Variants in LRCH2 observed in about 807,000 individuals in gnomAD.
LRCH2 encodes leucine-rich repeat and calponin homology domain-containing protein 2.
A neutral mutation model predicts 68.9 loss-of-function variants in LRCH2; 38 were observed. The ratio of observed to expected loss-of-function variants is 0.55; its 90% CI spans 0.43 to 0.72. The LOEUF (loss-of-function observed/expected upper bound fraction) is 0.72, where lower values mean the gene tolerates loss of function less well. Among genes scored for constraint, LRCH2 ranks in the 30% least tolerant of loss-of-function variants. The pLI, the probability that LRCH2 is intolerant of heterozygous loss-of-function variation, is 0.00. For synonymous variants in LRCH2, 191 were observed against 208.1 expected, an observed-to-expected ratio of 0.92 and a Z score of 0.71; for missense variants, 528 against 572.9, an observed-to-expected ratio of 0.92 and a Z score of 0.80.
intron 14 of LRCH2, among the ~76,000 whole-genome samples, chrX:115,136,177 T>C (rs147755600): frequency 2.7e-3 from 303 of 111,766 alleles, no homozygotes; most frequent in African/African-American, 8.5e-3. Flanking sequence ...ACATAGTTAA[T>C]AGGTATCCAA....
Position 115,184,461 on chromosome X carries a change from G to C in LRCH2, c.571C>G (p.Leu191Val), listed in dbSNP as rs782028909. 32 of 1,186,778 alleles carry C rather than the reference G, an allele frequency of 2.7e-5. No individual in the cohort carries two copies. The highest frequency in any genetic ancestry group is 3.6e-5 in the Non-Finnish European group (32 of 881,364). The change falls in exon 3 of 21, where the codon CTG (leucine) becomes GTG (valine). Residue 191 changes from leucine to valine, a missense_variant. Coordinates refer to ENST00000317135, the MANE Select transcript of LRCH2 (RefSeq NM_020871.4). ...LKVLVVSNNK[L>V]VSIPEEIGKL... is the part of the protein sequence containing the mutation. The stretch of plus-strand genomic sequence containing the variant: ...CCAATTTCTTCTGGAATGGATACCA[G>C]TTTATTATTACTGACGACCAAAACT...
chrX:115,130,075 G>C (rs1477613625), intron 15 of LRCH2, 80 bp downstream of exon 15: 1 of 490,738 alleles, frequency 2.0e-6, no homozygotes, highest in Non-Finnish European at 3.2e-6. Flanking sequence ...CTGAAAAATG[G>C]ATTACATTTT....
intron 1 of LRCH2, chrX:115,189,312 C>T: frequency 3.0e-6 from 2 of 656,686 alleles, no homozygotes; most frequent in Non-Finnish European, 4.6e-6. Context: ...GTAAGGTACT[C>T]TTTTCCTTCT....
At chrX:115,222,127 C>T (rs1372044395) in intron 1 of LRCH2, among the ~76,000 whole-genome samples, 1 of 110,818 alleles carries the variant, frequency 9.0e-6, no homozygotes. Flanking sequence ...TATTATATAC[C>T]ATGTTAATAC....
chrX:115,214,588 T>C (rs1556570922), intron 1 of LRCH2, among the ~76,000 whole-genome samples: 1 of 111,828 alleles, frequency 8.9e-6, no homozygotes. Context: ...AAACAACTTG[T>C]AGACATTGGA....
chrX:115,180,876 T>G (rs1379122308), intron 3 of LRCH2, among the ~76,000 whole-genome samples: 4 of 111,514 alleles, frequency 3.6e-5, no homozygotes, highest in African/African-American at 1.3e-4. Flanking sequence ...AAAACAAAAT[T>G]TCCTGCTGTC....
At chrX:115,126,989 C>G (rs918988187) in intron 15 of LRCH2, 96 bp from the exon 16 acceptor site, 1 of 507,178 alleles carries the variant, frequency 2.0e-6, no homozygotes, top group Non-Finnish European at 3.0e-6. Context: ...TGACCAACTA[C>G]TAAAGGAAGA....
intron 14 of LRCH2, among the ~76,000 whole-genome samples, chrX:115,143,251 A>T (rs1195286343): frequency 8.9e-6 from 1 of 111,994 alleles, no homozygotes; most frequent in African/African-American, 3.2e-5. Context: ...TCAGATTAAG[A>T]TAAAAAGGGG....
intron 1 of LRCH2, among the ~76,000 whole-genome samples, chrX:115,197,741 G>A (rs186252928): frequency 1.1e-4 from 11 of 103,509 alleles, no homozygotes; most frequent in African/African-American, 3.9e-4. Context: ...AAAAGAAAAA[G>A]TCTCTCTCTC....
At position 115,190,955 on chromosome X, in the gene LRCH2, G is replaced by A; in HGVS notation, c.350-2585C>T. The stretch of plus-strand genomic sequence containing the variant: ...AATTCCAGCTGGAGCGACCGCTACG[G>A]AGTAGGAGGCCACTATGAGGAGAAC... On this transcript the variant is annotated intron_variant, in intron 1 of 20. Transcript: ENST00000317135. The A allele has an allele frequency of 2.6e-6, 3 of 1,165,021 alleles. No individual in the cohort carries two copies. The South Asian group carries it at 5.7e-5, about 22-fold the overall frequency.
At chrX:115,200,332 A>G (rs1210926192) in intron 1 of LRCH2, among the ~76,000 whole-genome samples, 7 of 111,836 alleles carry the variant, frequency 6.3e-5, no homozygotes, top group Non-Finnish European at 1.3e-4. Flanking sequence ...ACAAAGTATT[A>G]AAAAAACAAA....
At chrX:115,150,714 AT>A (rs1455729207) in intron 12 of LRCH2, among the ~76,000 whole-genome samples, 1 of 111,156 alleles carries the variant, frequency 9.0e-6, no homozygotes, top group South Asian at 3.7e-4. Context: ...CAAAAAGAAA[AT>A]AAAAATTGGA....
At position 115,122,567 on chromosome X, in the gene LRCH2, T is replaced by G; in HGVS notation, c.2138A>C (p.Glu713Ala). The change falls in exon 20 of 21, where the codon GAA becomes GCA. Residue 713 changes from glutamate (E) to alanine (A), a missense_variant. Physicochemically the swap from Glu to Ala is moderately radical, Grantham distance 107. Coordinates refer to ENST00000317135, the MANE Select transcript of LRCH2 (RefSeq NM_020871.4). ...CTTTTTACAAGCATCAAGAAAATTTTCTACATTTCTTCGACATTTTGCCAT... is the reference window on the plus strand; with the variant it reads ...CTTTTTACAAGCATCAAGAAAATTTGCTACATTTCTTCGACATTTTGCCAT... ...LSMAKCRRNVENFLDACKKLG... is the reference protein window; with the variant it reads ...LSMAKCRRNVANFLDACKKLG... 2.5e-6 allele frequency: 3 copies of G among 1,210,961 alleles called. No individual in the cohort carries two copies. Among genetic ancestry groups the G allele is most frequent in the Non-Finnish European group, 3.4e-6 (3 of 895,087 alleles).
chrX:115,150,418 A>G (rs1556538016), intron 12 of LRCH2, among the ~76,000 whole-genome samples: 1 of 111,264 alleles, frequency 9.0e-6, no homozygotes, highest in East Asian at 2.8e-4. Context: ...ACTAAAAAAA[A>G]CTAATAATTT....
In LRCH2 at chrX:115,179,408, T is replaced by C. The variant is rs2072674972; in HGVS notation, c.864+19A>G. ...TGAATAAAAATGAGAAGAAACATTA[T>C]AATATTTTTATTACAAACCTGTGCT... On this transcript the variant is annotated intron_variant, in intron 5 of 20. Coordinates refer to ENST00000317135, the MANE Select transcript of LRCH2 (RefSeq NM_020871.4). The C allele has an allele frequency of 9.4e-7, 1 of 1,060,036 alleles. No individual in the cohort carries two copies. Among genetic ancestry groups the C allele is most frequent in the African/African-American group, 1.9e-5 (1 of 52,515 alleles). 87.4% of individuals were successfully genotyped at this position (1,060,036 alleles called of 1,213,427 possible). A position where few individuals can be genotyped will look rare whatever the true frequency, so the allele number is the denominator to read the frequency against.
rs1337148480 is a variant in LRCH2 at position 115,165,495 on chromosome X, T to C, written c.1297-32A>G. The C allele has an allele frequency of 6.5e-6, 7 of 1,073,779 alleles. No individual in the cohort carries two copies. The African/African-American group carries it at 1.3e-4, about 20-fold the overall frequency. 88.5% of individuals were successfully genotyped at this position (1,073,779 alleles called of 1,213,427 possible). A position where few individuals can be genotyped will look rare whatever the true frequency, so the allele number is the denominator to read the frequency against. Reference sequence around the variant, plus strand: ...TAAAAGAAAGTTACATTTTAAATTGTATAGTCCACTTTTATAAGATCAAGA... The same window carrying C: ...TAAAAGAAAGTTACATTTTAAATTGCATAGTCCACTTTTATAAGATCAAGA... On this transcript the variant is annotated intron_variant, in intron 9 of 20. Coordinates refer to ENST00000317135, the MANE Select transcript of LRCH2 (RefSeq NM_020871.4).
chrX:115,135,756 A>C (rs1402638932), intron 14 of LRCH2, among the ~76,000 whole-genome samples: 1 of 111,825 alleles, frequency 8.9e-6, no homozygotes, highest in African/African-American at 3.3e-5. Flanking sequence ...GTGGCAAACT[A>C]GAAATTGCCA....
chrX:115,229,331 T>A (rs2073138787), intron 1 of LRCH2, among the ~76,000 whole-genome samples: 1 of 111,455 alleles, frequency 9.0e-6, no homozygotes, highest in East Asian at 2.8e-4. Flanking sequence ...ACTCACCATT[T>A]AACTTTGGAC....
chrX:115,225,187 T>C lies in LRCH2; in HGVS notation c.349+8506A>G, dbSNP rs908557687. Reference sequence around the variant, plus strand: ...ATTAGAGTAATATTTTTAGGTCTTATGGCTGGCTTTCAGGAAAAGGGGTTC... The same window carrying C: ...ATTAGAGTAATATTTTTAGGTCTTACGGCTGGCTTTCAGGAAAAGGGGTTC... On this transcript the variant is annotated intron_variant, in intron 1 of 20. Coordinates refer to ENST00000317135, the MANE Select transcript of LRCH2 (RefSeq NM_020871.4). Among the ~76,000 whole-genome samples the C allele has an allele frequency of 8.1e-5, 9 of 111,761 alleles. No homozygotes were observed. The Admixed American group carries it at 8.6e-4, about 11-fold the overall frequency.
Sources: allele counts gnomAD v4.1 joint callset (sites outside exome capture counted in the v4.1 genomes callset), GRCh38; gene constraint gnomAD v4.1.1; transcripts MANE v1.5; gene names NCBI Gene and HGNC (gene_info 2026-07-23, HGNC 2026-07-21).